The following ITPR1 variants were observed in gnomAD, a reference collection of about 807,000 sequenced individuals.
ITPR1 encodes inositol 1,4,5-trisphosphate receptor type 1.
In ITPR1, 96 loss-of-function variants were observed where a neutral mutation model predicts 318.4. The ratio of observed to expected loss-of-function variants is 0.30; its 90% CI spans 0.26 to 0.36. ITPR1 has a LOEUF of 0.36. Among genes scored for constraint, ITPR1 ranks in the 10% least tolerant of loss-of-function variants. The pLI, the probability that ITPR1 is intolerant of heterozygous loss-of-function variation, is 1.00. For synonymous variants in ITPR1, 1,312 were observed against 1,289.9 expected, an observed-to-expected ratio of 1.02 and a Z score of -0.37; for missense variants, 2,440 against 3,460.2, an observed-to-expected ratio of 0.71 and a Z score of 7.40.
Position 4,570,912 on chromosome 3 carries a change from G to A in ITPR1, c.163+49818G>A, listed in dbSNP as rs141047966. Among the ~76,000 whole-genome samples the A allele has an allele frequency of 3.3e-5, 5 of 152,348 alleles. No homozygotes were observed. In the East Asian group the frequency reaches 9.6e-4, roughly 29 times the overall value. On this transcript the variant is annotated intron_variant, in intron 4 of 61. Transcript: ENST00000649015. ...GAAGTGCTTTTTTGTACATGTGTCT[G>A]TGGTCACAGAGGTTCTGCTGATCTT...
At chr3:4,638,735 G>T (rs1233250668) in intron 5 of ITPR1, among the ~76,000 whole-genome samples, 1 of 152,168 alleles carries the variant, frequency 6.6e-6, no homozygotes, top group Non-Finnish European at 1.5e-5. Flanking sequence ...TAATCACTTT[G>T]AGTCAATTTC....
At chr3:4,813,108 A>G (rs1462857308) in intron 56 of ITPR1, 34 bp from the exon 57 acceptor site, 1 of 1,535,894 alleles carries the variant, frequency 6.5e-7, no homozygotes, top group South Asian at 1.1e-5. Flanking sequence ...ATGCTGCCAG[A>G]TTGTTCATCA....
At chr3:4,617,726 A>G (rs950210431) in intron 4 of ITPR1, among the ~76,000 whole-genome samples, 2 of 152,148 alleles carry the variant, frequency 1.3e-5, no homozygotes, top group South Asian at 2.1e-4. Flanking sequence ...GCACATGCCT[A>G]TAATCCCAGC....
intron 42 of ITPR1, among the ~76,000 whole-genome samples, chr3:4,730,371 A>C (rs73807140): frequency 3.5e-5 from 2 of 57,380 alleles, no homozygotes; most frequent in African/African-American, 5.6e-5. Context: ...GTTGGGTGGA[A>C]TGTGTGTGTG....
intron 7 of ITPR1, 63 bp downstream of exon 7, chr3:4,642,314 T>C (rs2093355919): frequency 1.5e-6 from 2 of 1,314,516 alleles, no homozygotes; most frequent in Non-Finnish European, 2.0e-6. Context: ...GACTGTATAT[T>C]AGAGTTAAGG....
At chr3:4,841,679 A>G (rs763288764) in intron 61 of ITPR1, among the ~76,000 whole-genome samples, 2 of 152,212 alleles carry the variant, frequency 1.3e-5, no homozygotes, top group African/African-American at 4.8e-5. Flanking sequence ...GATTTGTTCA[A>G]TCTGATCTTC....
intron 5 of ITPR1, among the ~76,000 whole-genome samples, chr3:4,631,237 G>T (rs2093006541): frequency 6.6e-6 from 1 of 152,170 alleles, no homozygotes; most frequent in African/African-American, 2.4e-5. Flanking sequence ...TCAGGTTGCT[G>T]GTCATGGTAT....
rs1192218961 is a variant in ITPR1, at chr3:4,721,673, C to A, written c.5137-3873C>A. Among the ~76,000 whole-genome samples, 3 of 152,160 alleles carry A rather than the reference C, an allele frequency of 2.0e-5. No individual in the cohort carries two copies. The East Asian group carries it at 5.8e-4, about 29-fold the overall frequency. On this transcript the variant is annotated intron_variant, in intron 40 of 61. Transcript: ENST00000649015. The stretch of plus-strand genomic sequence containing the variant: ...GATAACTAGATCTACGGTACAGTTA[C>A]ATTTTTTGAATTGCATTCGGTTTCT...
At chr3:4,557,317 C>G (rs2086226307) in intron 4 of ITPR1, among the ~76,000 whole-genome samples, 1 of 152,162 alleles carries the variant, frequency 6.6e-6, no homozygotes, top group South Asian at 2.1e-4. Context: ...ACCATCAGAT[C>G]TTGTGAGACT....
At chr3:4,558,523 C>G (rs1408856169) in intron 4 of ITPR1, among the ~76,000 whole-genome samples, 1 of 152,030 alleles carries the variant, frequency 6.6e-6, no homozygotes, top group Non-Finnish European at 1.5e-5. Context: ...GTGAAGAGGG[C>G]TCTAATGATA....
chr3:4,814,590 G>GA, intron 58 of ITPR1, 28 bp downstream of exon 58: 2 of 805,202 alleles, frequency 2.5e-6, no homozygotes, highest in Non-Finnish European at 4.0e-6. Flanking sequence ...GGAAGGAAGG[G>GA]CAAAGGGGGC....
intron 4 of ITPR1, among the ~76,000 whole-genome samples, chr3:4,556,218 C>A (rs2086112038): frequency 6.6e-6 from 1 of 152,150 alleles, no homozygotes. Flanking sequence ...CTAGTAACAT[C>A]CCCCATCAGG....
chr3:4,610,175 A>G (rs920047992), intron 4 of ITPR1, among the ~76,000 whole-genome samples: 1 of 152,040 alleles, frequency 6.6e-6, no homozygotes, highest in East Asian at 1.9e-4. Flanking sequence ...TGTCCAGTGG[A>G]TCCTGCAAAG....
chr3:4,632,447 C>G (rs899913369), intron 5 of ITPR1, among the ~76,000 whole-genome samples: 1 of 152,086 alleles, frequency 6.6e-6, no homozygotes, highest in African/African-American at 2.4e-5. Context: ...AGTGGAGAGT[C>G]CCATGGGTGG....
At position 4,663,209 on chromosome 3, in the gene ITPR1, C is replaced by T. The variant is rs781141738; in HGVS notation, c.1554+3C>T. On this transcript the variant is annotated splice_donor_region_variant and intron_variant, in intron 16 of 61. Coordinates refer to ENST00000649015, the MANE Select transcript of ITPR1 (RefSeq NM_001378452.1). ...GAGAACAGAATATTCTCAAGCAGGT[C>T]GGTGAGATGTGGCGTACTGGGGATT... The T allele has an allele frequency of 3.9e-5, 62 of 1,607,974 alleles. No individual in the cohort carries two copies. The highest frequency in any genetic ancestry group is 3.3e-4 in the Middle Eastern group (2 of 6,056).
intron 46 of ITPR1, among the ~76,000 whole-genome samples, chr3:4,774,554 C>CAAG: frequency 6.6e-6 from 1 of 152,200 alleles, no homozygotes; most frequent in Non-Finnish European, 1.5e-5. Context: ...TTAAAATACT[C>CAAG]TATTTCTCAA....
intron 24 of ITPR1, among the ~76,000 whole-genome samples, chr3:4,677,952 T>A (rs1345435943): frequency 6.6e-6 from 1 of 152,152 alleles, no homozygotes; most frequent in Non-Finnish European, 1.5e-5. Flanking sequence ...CGCTTCCCTC[T>A]TTCTGTGCCG....
chr3:4,677,322 C>T (rs948216139), intron 24 of ITPR1, among the ~76,000 whole-genome samples: 7 of 152,098 alleles, frequency 4.6e-5, no homozygotes, highest in Non-Finnish European at 8.8e-5. Flanking sequence ...GGGGCATGGG[C>T]ATGTATTAAG....
chr3:4,532,604 C>T (rs2083509253), intron 4 of ITPR1, among the ~76,000 whole-genome samples: 1 of 152,144 alleles, frequency 6.6e-6, no homozygotes, highest in African/African-American at 2.4e-5. Flanking sequence ...CTCCTGGGCT[C>T]AACTGATCCT....
Sources: gnomAD v4.1 joint callset for allele counts (sites outside exome capture counted in the v4.1 genomes callset) on GRCh38, gnomAD v4.1.1 for gene constraint, MANE v1.5 for transcripts, NCBI Gene and HGNC (gene_info 2026-07-23, HGNC 2026-07-21) for gene names.